Variants in PSMA1 observed in about 807,000 individuals in gnomAD.
PSMA1 encodes the protein proteasome 20S subunit alpha 1.
A neutral mutation model predicts 38.4 loss-of-function variants in PSMA1; 3 were observed. The ratio of observed to expected loss-of-function variants is 0.08; its 90% CI spans 0.04 to 0.20. The LOEUF is 0.20. Ranked by LOEUF, PSMA1 falls within the 10% of genes least tolerant of loss-of-function variation. PSMA1 has a pLI of 1.00. For missense variants in PSMA1, 227 were observed against 325.3 expected, an observed-to-expected ratio of 0.70 and a Z score of 2.32; for synonymous variants, 101 against 107.1, an observed-to-expected ratio of 0.94 and a Z score of 0.35.
At chr11:14,614,786 T>G (rs1265226170) in intron 1 of PSMA1, among the ~76,000 whole-genome samples, 1 of 152,222 alleles carries the variant, frequency 6.6e-6, no homozygotes, top group African/African-American at 2.4e-5. Context: ...CACCTTTATC[T>G]TGCCTGGACT....
chr11:14,617,744 TG>T (rs962056502), intron 1 of PSMA1, among the ~76,000 whole-genome samples: 3 of 151,426 alleles, frequency 2.0e-5, no homozygotes, highest in African/African-American at 7.3e-5. Flanking sequence ...ACAAGTGAGC[TG>T]GACAAGCTGA....
At chr11:14,574,349 G>A (rs902603926) in intron 2 of PSMA1, among the ~76,000 whole-genome samples, 1 of 152,176 alleles carries the variant, frequency 6.6e-6, no homozygotes, top group Non-Finnish European at 1.5e-5. Context: ...CTCCAGATGT[G>A]GCTCAAAGTT....
At chr11:14,617,850 C>T (rs1852796016) in intron 1 of PSMA1, among the ~76,000 whole-genome samples, 2 of 152,046 alleles carry the variant, frequency 1.3e-5, no homozygotes, top group Non-Finnish European at 2.9e-5. Context: ...GAGCTTGGCA[C>T]ATACCTTGAT....
chr11:14,643,034 A>G (rs985584467), intron 1 of PSMA1, among the ~76,000 whole-genome samples: 2 of 151,978 alleles, frequency 1.3e-5, no homozygotes, highest in Admixed American at 6.5e-5. Context: ...ATGTATGACA[A>G]GGGTACAAAA....
intron 2 of PSMA1, among the ~76,000 whole-genome samples, chr11:14,542,200 C>T (rs981660756): frequency 3.9e-5 from 6 of 152,174 alleles, no homozygotes; most frequent in Non-Finnish European, 8.8e-5. Context: ...AGTACCTTTA[C>T]AATTGTAAAA....
rs139007336 is a variant in PSMA1, at chr11:14,626,698, T to G, written c.-165-15547A>C. On this transcript the variant is annotated intron_variant, in intron 1 of 10. Coordinates refer to the PSMA1 transcript ENST00000418988. ...CCTGTAGGCTGTTGCAAAGTTCAAGTGTAACAGAGCACGTGAAAAGGCTTT... is the reference window on the plus strand; with the variant it reads ...CCTGTAGGCTGTTGCAAAGTTCAAGGGTAACAGAGCACGTGAAAAGGCTTT... Among the ~76,000 whole-genome samples, 50 of 152,336 alleles carry G rather than the reference T, an allele frequency of 3.3e-4. No homozygotes were observed. In the East Asian group the frequency reaches 9.1e-3, roughly 28 times the overall value.
intron 2 of PSMA1, among the ~76,000 whole-genome samples, chr11:14,532,154 T>A (rs1851654306): frequency 6.6e-6 from 1 of 152,158 alleles, no homozygotes; most frequent in Admixed American, 6.5e-5. Flanking sequence ...TGACATTAAG[T>A]TTGTATTATA....
intron 2 of PSMA1, among the ~76,000 whole-genome samples, chr11:14,572,679 G>A (rs562591620): frequency 2.6e-5 from 4 of 152,262 alleles, no homozygotes; most frequent in Admixed American, 6.5e-5. Context: ...CAGAACTGAA[G>A]GAGATAGAGA....
At chr11:14,520,088 GA>G (rs1358432017) in intron 1 of PSMA1, 4 of 718,046 alleles carry the variant, frequency 5.6e-6, no homozygotes, top group African/African-American at 1.8e-5. Context: ...CCCGGGAAGC[GA>G]AAGCGGTGGA....
chr11:14,642,577 T>C lies in PSMA1; in HGVS notation c.-166+878A>G, dbSNP rs201581439. Among the ~76,000 whole-genome samples the C allele has an allele frequency of 3.9e-5, 6 of 152,138 alleles. No individual in the cohort carries two copies. In the East Asian group the frequency reaches 9.6e-4, roughly 24 times the overall value. ...TGGGCAGAGATTAATTGGTGAAAAA[T>C]GGGCCTGTTTGTGGGATTTACCACA... On this transcript the variant is annotated intron_variant, in intron 1 of 10. Transcript: ENST00000418988.
chr11:14,524,200 T>G (rs1355474579), upstream of PSMA1, among the ~76,000 whole-genome samples: 2 of 150,732 alleles, frequency 1.3e-5, no homozygotes, highest in Non-Finnish European at 3.0e-5. Context: ...CAGGTGTAGT[T>G]GTATGCACCT....
chr11:14,621,415 C>G (rs1309815301), intron 1 of PSMA1, among the ~76,000 whole-genome samples: 1 of 151,870 alleles, frequency 6.6e-6, no homozygotes. Flanking sequence ...GCGCCACCAC[C>G]CCCAGCTAAT....
chr11:14,521,031 A>G (rs10766184), upstream of PSMA1, among the ~76,000 whole-genome samples: 100,935 of 151,990 alleles, frequency 0.66, 33,737 homozygotes, highest in African/African-American at 0.7. Flanking sequence ...TATGCCCCCA[A>G]AACCAAGCAT....
chr11:14,536,112 C>A (rs902183941), intron 2 of PSMA1, among the ~76,000 whole-genome samples: 6 of 152,212 alleles, frequency 3.9e-5, no homozygotes, highest in African/African-American at 1.4e-4. Context: ...GGTTTTGGAG[C>A]CAGACATTTC....
intron 8 of PSMA1, among the ~76,000 whole-genome samples, chr11:14,509,046 A>G (rs1376868104): frequency 2.6e-5 from 4 of 152,178 alleles, no homozygotes; most frequent in Non-Finnish European, 5.9e-5. Context: ...CCATTTCTAT[A>G]TAAAGACTTC....
chr11:14,630,110 A>T (rs1160431337), intron 1 of PSMA1, among the ~76,000 whole-genome samples: 1 of 152,122 alleles, frequency 6.6e-6, no homozygotes, highest in Non-Finnish European at 1.5e-5. Flanking sequence ...TCGTCTGCAA[A>T]AAGGGACAAT....
At chr11:14,520,165 G>T (rs1460520839) in intron 1 of PSMA1, 132 bp downstream of exon 1, 6 of 1,403,402 alleles carry the variant, frequency 4.3e-6, no homozygotes, top group Non-Finnish European at 5.0e-6. Flanking sequence ...CACTGCCGGA[G>T]CCCGGCCGTC....
intron 1 of PSMA1, among the ~76,000 whole-genome samples, chr11:14,625,936 G>T (rs1454575880): frequency 6.6e-6 from 1 of 152,208 alleles, no homozygotes; most frequent in Non-Finnish European, 1.5e-5. Flanking sequence ...AAATGGTAGG[G>T]TATGAAGAAG....
chr11:14,525,731 C>T (rs546802025), intron 2 of PSMA1, among the ~76,000 whole-genome samples: 3 of 152,256 alleles, frequency 2.0e-5, no homozygotes, highest in Admixed American at 6.5e-5. Context: ...TCACTATTCC[C>T]CTGGACCCCT....
Sources: gnomAD v4.1 joint callset for allele counts (sites outside exome capture counted in the v4.1 genomes callset) on GRCh38, gnomAD v4.1.1 for gene constraint, MANE v1.5 for transcripts, NCBI Gene and HGNC (gene_info 2026-07-23, HGNC 2026-07-21) for gene names.